CDK14: variants seen among roughly 807,000 people sequenced by gnomAD.
CDK14 encodes cyclin dependent kinase 14, also known as cyclin-dependent kinase 14.
In CDK14, 34 loss-of-function variants were observed where a neutral mutation model predicts 60.7. The observed-to-expected ratio is 0.56, with a 90% confidence interval of 0.43 to 0.75. The LOEUF (loss-of-function observed/expected upper bound fraction) is 0.75, where lower values mean the gene tolerates loss of function less well. Ranked by LOEUF, CDK14 falls within the 30% of genes least tolerant of loss-of-function variation. CDK14 has a pLI of 0.00. For synonymous variants in CDK14, 197 were observed against 203.7 expected (o/e 0.97, Z 0.28); for missense variants, 482 against 564.1 (o/e 0.85, Z 1.47).
chr7:90,628,663 T>C (rs1021092765), intron 2 of CDK14, among the ~76,000 whole-genome samples: 1 of 151,910 alleles, frequency 6.6e-6, no homozygotes, highest in African/African-American at 2.4e-5. Context: ...TCTCTAAAAA[T>C]ATATATATAT....
intron 2 of CDK14, among the ~76,000 whole-genome samples, chr7:90,683,908 G>A (rs1267994081): frequency 7.5e-6 from 1 of 132,888 alleles, no homozygotes. Context: ...GTGTGTGTGT[G>A]TGTGTGTGTG....
At chr7:90,658,359 C>G (rs1458005091) in intron 2 of CDK14, among the ~76,000 whole-genome samples, 8 of 152,204 alleles carry the variant, frequency 5.3e-5, no homozygotes, top group Admixed American at 5.2e-4. Flanking sequence ...TGAAGTCTTA[C>G]TGTATACTCA....
chr7:91,098,514 A>G (rs1799063598), intron 12 of CDK14, among the ~76,000 whole-genome samples: 1 of 149,232 alleles, frequency 6.7e-6, no homozygotes, highest in South Asian at 2.1e-4. Context: ...AAAGAAAGAA[A>G]AAGAAAGAAA....
intron 10 of CDK14, among the ~76,000 whole-genome samples, chr7:91,041,737 G>T (rs1008884093): frequency 2.0e-5 from 3 of 152,172 alleles, no homozygotes; most frequent in African/African-American, 7.2e-5. Flanking sequence ...CTTGCAATTT[G>T]TGAAAACCTT....
At chr7:91,091,721 A>AGAAG (rs869034752) in intron 12 of CDK14, among the ~76,000 whole-genome samples, 12,110 of 103,474 alleles carry the variant, frequency 0.12, 649 homozygotes, top group Admixed American at 0.13. Flanking sequence ...AGGGAAGGAA[A>AGAAG]GAAGGAAGGA....
intron 5 of CDK14, among the ~76,000 whole-genome samples, chr7:90,795,334 G>T (rs1301358044): frequency 1.3e-5 from 2 of 151,996 alleles, no homozygotes; most frequent in Non-Finnish European, 2.9e-5. Flanking sequence ...TGCTGATTCT[G>T]TACATAGATG....
chr7:91,000,261 T>C (rs73403334), intron 10 of CDK14, among the ~76,000 whole-genome samples: 1 of 152,212 alleles, frequency 6.6e-6, no homozygotes, highest in Non-Finnish European at 1.5e-5. Flanking sequence ...TTGTGTTTAG[T>C]GTTCAAAACC....
chr7:90,683,224 T>C (rs537964382), intron 2 of CDK14, among the ~76,000 whole-genome samples: 1 of 152,300 alleles, frequency 6.6e-6, no homozygotes, highest in East Asian at 1.9e-4. Context: ...TTTTCTTTCT[T>C]TCTTTATTCA....
At chr7:90,663,167 CTTCT>C (rs1800898101) in intron 2 of CDK14, among the ~76,000 whole-genome samples, 1 of 151,934 alleles carries the variant, frequency 6.6e-6, no homozygotes, top group East Asian at 1.9e-4. Context: ...AGGCCACCCC[CTTCT>C]TTCTTACCAA....
chr7:90,989,319 A>G (rs1795468421), intron 10 of CDK14, among the ~76,000 whole-genome samples: 1 of 152,202 alleles, frequency 6.6e-6, no homozygotes, highest in Admixed American at 6.5e-5. Context: ...TAACAGCCAC[A>G]TGGTTAGGAT....
intron 2 of CDK14, among the ~76,000 whole-genome samples, chr7:90,675,298 A>G (rs1801177414): frequency 1.3e-5 from 2 of 152,092 alleles, no homozygotes; most frequent in African/African-American, 4.8e-5. Context: ...ATATTATAAC[A>G]CTTTCTTATA....
chr7:91,087,791 C>T (rs1336399907), intron 12 of CDK14, among the ~76,000 whole-genome samples: 1 of 152,028 alleles, frequency 6.6e-6, no homozygotes, highest in Non-Finnish European at 1.5e-5. Flanking sequence ...GGGGCACATG[C>T]TGAACTGCTT....
intron 3 of CDK14, among the ~76,000 whole-genome samples, chr7:90,737,276 G>T (rs1803158853): frequency 6.6e-6 from 1 of 152,030 alleles, no homozygotes; most frequent in Non-Finnish European, 1.5e-5. Flanking sequence ...TCTTAAAGAG[G>T]GCATATTTTC....
At chr7:91,074,782 A>C (rs1798247838) in intron 11 of CDK14, among the ~76,000 whole-genome samples, 1 of 152,206 alleles carries the variant, frequency 6.6e-6, no homozygotes, top group Admixed American at 6.5e-5. Flanking sequence ...AGAATCAAAT[A>C]GACACAATAA....
intron 11 of CDK14, among the ~76,000 whole-genome samples, chr7:91,067,248 A>G (rs1798008835): frequency 6.6e-6 from 1 of 152,228 alleles, no homozygotes; most frequent in African/African-American, 2.4e-5. Context: ...ACTTTTATTT[A>G]TGATGGAAGT....
intron 2 of CDK14, among the ~76,000 whole-genome samples, chr7:90,647,788 C>G (rs1800502853): frequency 6.6e-6 from 1 of 151,950 alleles, no homozygotes; most frequent in Non-Finnish European, 1.5e-5. Context: ...CCCAGGAGTT[C>G]GAGGCTGCAG....
At chr7:90,777,984 C>T (rs950611080) in intron 4 of CDK14, among the ~76,000 whole-genome samples, 4 of 152,218 alleles carry the variant, frequency 2.6e-5, no homozygotes, top group Non-Finnish European at 4.4e-5. Flanking sequence ...ACATCATTCT[C>T]TGATCAGGAA....
intron 11 of CDK14, among the ~76,000 whole-genome samples, chr7:91,063,748 T>G (rs767032988): frequency 6.6e-6 from 1 of 152,208 alleles, no homozygotes; most frequent in Non-Finnish European, 1.5e-5. Flanking sequence ...TAATGTAGGA[T>G]AGATGAAGCA....
intron 5 of CDK14, among the ~76,000 whole-genome samples, chr7:90,843,378 A>G (rs896395006): frequency 7.2e-5 from 11 of 152,198 alleles, no homozygotes; most frequent in Non-Finnish European, 1.6e-4. Context: ...TAGAAAATTA[A>G]TGACTTGATT....
Sources: allele counts gnomAD v4.1 joint callset (sites outside exome capture counted in the v4.1 genomes callset), GRCh38; gene constraint gnomAD v4.1.1; transcripts MANE v1.5; gene names NCBI Gene and HGNC (gene_info 2026-07-23, HGNC 2026-07-21).